The following SRPK1 variants were observed in gnomAD, a reference collection of about 807,000 sequenced individuals.
SRPK1 encodes the protein SFRS protein kinase 1.
A neutral mutation model predicts 89.5 loss-of-function variants in SRPK1; 52 were observed. That is an observed-to-expected ratio of 0.58 (90% CI 0.46 to 0.73). The LOEUF is 0.73. Among genes scored for constraint, SRPK1 ranks in the 30% least tolerant of loss-of-function variants. The pLI, the probability that SRPK1 is intolerant of heterozygous loss-of-function variation, is 0.00. For missense variants in SRPK1, 603 were observed against 780.6 expected, an observed-to-expected ratio of 0.77 and a Z score of 2.71; for synonymous variants, 255 against 270.2, an observed-to-expected ratio of 0.94 and a Z score of 0.55.
At chr6:35,857,234 G>C (rs1432653407) in intron 13 of SRPK1, 27 bp downstream of exon 13, 2 of 1,555,872 alleles carry the variant, frequency 1.3e-6, no homozygotes, top group East Asian at 4.5e-5. Flanking sequence ...CACTTAACAA[G>C]TGAAAGCCAA....
At chr6:35,889,207 GTC>G (rs1395889734) in intron 3 of SRPK1, among the ~76,000 whole-genome samples, 2 of 151,710 alleles carry the variant, frequency 1.3e-5, no homozygotes, top group East Asian at 3.9e-4. Context: ...TGATATTCTT[GTC>G]TCTCAATAAT....
chr6:35,857,185 C>T, intron 13 of SRPK1, 76 bp downstream of exon 13: 1 of 1,021,536 alleles, frequency 9.8e-7, no homozygotes, highest in Non-Finnish European at 1.5e-6. Flanking sequence ...AGTTAATTTG[C>T]TGGTTTACTG....
chr6:35,886,597 A>T, intron 6 of SRPK1, 127 bp downstream of exon 6: 1 of 678,682 alleles, frequency 1.5e-6, no homozygotes, highest in South Asian at 1.6e-5. Context: ...TCAGAAGTGT[A>T]CAATAAAAGA....
chr6:35,844,755 AC>A (rs1400201596), intron 13 of SRPK1, among the ~76,000 whole-genome samples: 1 of 152,210 alleles, frequency 6.6e-6, no homozygotes, highest in Non-Finnish European at 1.5e-5. Context: ...CAACAGAGAA[AC>A]AAATCATGAT....
chr6:35,891,134 G>A, intron 2 of SRPK1, 121 bp from the exon 3 acceptor site: 1 of 1,170,802 alleles, frequency 8.5e-7, no homozygotes, highest in Non-Finnish European at 1.1e-6. Flanking sequence ...ATTACCAAGT[G>A]GCAGCCTAGG....
chr6:35,899,917 C>T (rs1480262172), intron 2 of SRPK1, among the ~76,000 whole-genome samples: 1 of 151,682 alleles, frequency 6.6e-6, no homozygotes, highest in African/African-American at 2.4e-5. Context: ...AGGAGAATCG[C>T]TTGAACCTGG....
intron 14 of SRPK1, 53 bp downstream of exon 14, chr6:35,842,482 A>C: frequency 7.1e-7 from 1 of 1,416,750 alleles, no homozygotes; most frequent in Non-Finnish European, 9.8e-7. Context: ...ATGTTAGCTT[A>C]ATGTGGAAAG....
chr6:35,873,406 GAAAATGGTTATGCT>G (rs1396754821), intron 7 of SRPK1, among the ~76,000 whole-genome samples: 1 of 152,070 alleles, frequency 6.6e-6, no homozygotes, highest in Non-Finnish European at 1.5e-5. Context: ...AAACCTGGGG[GAAAATGGTTATGCT>G]AAAACATTTA....
intron 13 of SRPK1, among the ~76,000 whole-genome samples, chr6:35,849,886 A>T: frequency 6.6e-6 from 1 of 152,240 alleles, no homozygotes; most frequent in Middle Eastern, 3.2e-3. Flanking sequence ...CTTAAAAACA[A>T]GATGGAAATT....
chr6:35,869,092 T>A lies in SRPK1; in HGVS notation c.1430A>T (p.Asn477Ile). 1.2e-6 allele frequency: 2 copies of A among 1,613,590 alleles called. No homozygotes were observed. Among genetic ancestry groups the A allele is most frequent in the Non-Finnish European group, 1.7e-6 (2 of 1,179,792 alleles). Residue 477 changes from asparagine to isoleucine, a missense_variant, in exon 12 of 16, where the codon AAT becomes ATT. By Grantham distance (149) the Asn-to-Ile change is moderately radical. Transcript: ENST00000373825. ...TGGCTCAAGGGGATTAACAAGAAAATTTCCAGCCGTGGATTTTCCTACAGA... is the reference window on the plus strand; with the variant it reads ...TGGCTCAAGGGGATTAACAAGAAAAATTCCAGCCGTGGATTTTCCTACAGA... ...LDNKGKSTAG[N>I]FLVNPLEPKN...
At chr6:35,920,217 C>T (rs914534782) in intron 2 of SRPK1, 3 of 593,774 alleles carry the variant, frequency 5.1e-6, no homozygotes, top group Non-Finnish European at 6.4e-6. Flanking sequence ...GGAAAGGTAC[C>T]GGGCGGGCTC....
rs367701686 is a variant in SRPK1, at chr6:35,887,064, C to T, written c.391-253G>A. On this transcript the variant is annotated intron_variant, in intron 5 of 15. Transcript: ENST00000373825. ...TCCCTGATATCAATCAAAGTGTGGC[C>T]TCCAAATTAACTGATGATTACCAGG... Among the ~76,000 whole-genome samples, 14 of 152,290 alleles carry T rather than the reference C, an allele frequency of 9.2e-5. No homozygotes were observed. In the South Asian group the frequency reaches 2.5e-3, roughly 27 times the overall value.
chr6:35,883,120 A>C (rs903112514), intron 6 of SRPK1, among the ~76,000 whole-genome samples: 1 of 152,086 alleles, frequency 6.6e-6, no homozygotes, highest in Non-Finnish European at 1.5e-5. Context: ...AAATTTTTTT[A>C]AACAAGCAAT....
rs780088323 is a variant in SRPK1, at chr6:35,850,341, G to A, written c.1620+6920C>T. ...GAGAAGTAACATAATTAAGTAACCA[G>A]TCCTGGTGTTTAGTGCTCTGCAAAC... On this transcript the variant is annotated intron_variant, in intron 13 of 15. Coordinates refer to ENST00000373825, the MANE Select transcript of SRPK1 (RefSeq NM_003137.5). 1.0e-3 allele frequency among the ~76,000 whole-genome samples: 155 copies of A among 152,192 alleles called. 1 individual carries two copies. Among genetic ancestry groups the A allele is most frequent in the South Asian group, 1.0e-3 (5 of 4,826 alleles).
rs953697608 is a variant in SRPK1 at position 35,890,855 on chromosome 6, G to A, written c.193+40C>T. Reference sequence around the variant, plus strand: ...ACATCCAAACGAGAAATTGCAAATAGATGGCTCATGTCTCACTTCATACCT... The same window carrying A: ...ACATCCAAACGAGAAATTGCAAATAAATGGCTCATGTCTCACTTCATACCT... On this transcript the variant is annotated intron_variant, in intron 3 of 15. Coordinates refer to ENST00000373825, the MANE Select transcript of SRPK1 (RefSeq NM_003137.5). 1.3e-5 allele frequency: 19 copies of A among 1,494,086 alleles called. No homozygotes were observed. The Admixed American group carries it at 3.7e-4, about 29-fold the overall frequency. The allele number at this position is 1,494,086 out of a possible 1,614,324, so 92.6% of individuals were successfully genotyped here. A position where few individuals can be genotyped will look rare whatever the true frequency, so the allele number is the denominator to read the frequency against.
At chr6:35,850,501 G>T (rs1302008398) in intron 13 of SRPK1, among the ~76,000 whole-genome samples, 1 of 152,220 alleles carries the variant, frequency 6.6e-6, no homozygotes, top group South Asian at 2.1e-4. Flanking sequence ...CCAGAGTTCA[G>T]TTATTAGCTT....
intron 2 of SRPK1, among the ~76,000 whole-genome samples, chr6:35,898,597 T>C (rs1450785561): frequency 6.6e-6 from 1 of 152,162 alleles, no homozygotes; most frequent in African/African-American, 2.4e-5. Flanking sequence ...CCATGCATGG[T>C]GGCAGGCATC....
intron 2 of SRPK1, among the ~76,000 whole-genome samples, chr6:35,918,916 G>C (rs1163356642): frequency 6.6e-6 from 1 of 152,206 alleles, no homozygotes; most frequent in African/African-American, 2.4e-5. Flanking sequence ...AGTGGTAAGA[G>C]AGATCTGGAC....
chr6:35,889,550 G>A (rs1186100110), intron 3 of SRPK1, among the ~76,000 whole-genome samples: 6 of 152,052 alleles, frequency 3.9e-5, no homozygotes, highest in Non-Finnish European at 8.8e-5. Context: ...TTGGGAGGCC[G>A]AGGTGGGTGG....
Sources: gnomAD v4.1 joint callset for allele counts (sites outside exome capture counted in the v4.1 genomes callset) on GRCh38, gnomAD v4.1.1 for gene constraint, MANE v1.5 for transcripts, NCBI Gene and HGNC (gene_info 2026-07-23, HGNC 2026-07-21) for gene names.